The following RASA2 variants were observed in gnomAD, a reference collection of about 807,000 sequenced individuals.
RASA2 encodes RAS p21 protein activator 2.
In RASA2, 155 loss-of-function variants were observed where a neutral mutation model predicts 118.2. That is an observed-to-expected ratio of 1.31 (90% CI 1.15 to 1.50). The LOEUF is 1.50. Among genes scored for constraint, RASA2 ranks in the 40% most tolerant of loss-of-function variants. RASA2 has a pLI of 0.00. For missense variants in RASA2, 1,016 were observed against 1,009.6 expected (o/e 1.01, Z -0.09); for synonymous variants, 353 against 349.1 (o/e 1.01, Z -0.12).
intron 19 of RASA2, among the ~76,000 whole-genome samples, chr3:141,604,018 G>A (rs2083508149): frequency 6.6e-6 from 1 of 152,078 alleles, no homozygotes; most frequent in Non-Finnish European, 1.5e-5. Flanking sequence ...TTGGTTTTTG[G>A]CTATTATGAA....
At chr3:141,559,524 G>C (rs1316344565) in intron 8 of RASA2, among the ~76,000 whole-genome samples, 1 of 151,972 alleles carries the variant, frequency 6.6e-6, no homozygotes, top group South Asian at 2.1e-4. Flanking sequence ...ATCAGGTAAT[G>C]TATTTTTCTA....
chr3:141,566,634 C>T (rs949480061), intron 9 of RASA2, among the ~76,000 whole-genome samples: 1 of 151,774 alleles, frequency 6.6e-6, no homozygotes, highest in Admixed American at 6.6e-5. Flanking sequence ...GAAATTATAC[C>T]TGGAAATTGC....
At chr3:141,521,565 T>C (rs1361629582) in intron 3 of RASA2, among the ~76,000 whole-genome samples, 1 of 152,156 alleles carries the variant, frequency 6.6e-6, no homozygotes, top group Non-Finnish European at 1.5e-5. Flanking sequence ...AAAGTTGAGG[T>C]TTATGATTTC....
At chr3:141,522,503 C>T (rs1393247080) in intron 3 of RASA2, among the ~76,000 whole-genome samples, 1 of 152,154 alleles carries the variant, frequency 6.6e-6, no homozygotes, top group South Asian at 2.1e-4. Flanking sequence ...TCAGCCACAT[C>T]AGCACAGGGA....
At position 141,559,937 on chromosome 3, in the gene RASA2, C is replaced by G; in HGVS notation, c.805C>G (p.Leu269Val). 6.2e-7 allele frequency: 1 copy of G among 1,613,238 alleles called. No homozygotes were observed. ...NNGNLVQDVF[L>V]GEIKVPVNVL... Reference sequence around the variant, plus strand: ...TGGAAACCTAGTCCAAGATGTTTTCCTAGGTGAGATTAAGGTTCCTGTGAA... The same window carrying G: ...TGGAAACCTAGTCCAAGATGTTTTCGTAGGTGAGATTAAGGTTCCTGTGAA... Residue 269 changes from leucine to valine, a missense_variant, in exon 9 of 24, where the codon CTA becomes GTA. Leu to Val is a conservative substitution (Grantham distance 32, BLOSUM62 1). Transcript: ENST00000286364.
chr3:141,608,425 T>G, intron 20 of RASA2, 64 bp from the exon 21 acceptor site: 1 of 1,486,410 alleles, frequency 6.7e-7, no homozygotes, highest in East Asian at 2.3e-5. Flanking sequence ...TTTTCTTCTG[T>G]TTTGTACTGT....
At chr3:141,492,744 A>G (rs907961112) in intron 1 of RASA2, among the ~76,000 whole-genome samples, 2 of 152,220 alleles carry the variant, frequency 1.3e-5, no homozygotes, top group Non-Finnish European at 2.9e-5. Flanking sequence ...CTTGTTTTGC[A>G]TGATTCACTG....
At chr3:141,526,135 T>C (rs182190017) in intron 3 of RASA2, 1 of 152,320 alleles carries the variant, frequency 6.6e-6, no homozygotes, top group Admixed American at 6.5e-5. Context: ...ATCTGTAAGA[T>C]GGTGATTATA....
chr3:141,540,773 A>G (rs1398392095), intron 5 of RASA2, among the ~76,000 whole-genome samples, 164 bp downstream of exon 5: 10 of 152,144 alleles, frequency 6.6e-5, no homozygotes, highest in Admixed American at 6.5e-4. Flanking sequence ...ATTTTCTCAT[A>G]GTCTACTCAG....
At chr3:141,554,141 C>T (rs373052817) in intron 6 of RASA2, among the ~76,000 whole-genome samples, 2 of 152,130 alleles carry the variant, frequency 1.3e-5, no homozygotes, top group Non-Finnish European at 2.9e-5. Context: ...AATTGGTACC[C>T]CATTTTAAAT....
chr3:141,524,508 G>T (rs1242185578), intron 3 of RASA2, among the ~76,000 whole-genome samples: 1 of 152,124 alleles, frequency 6.6e-6, no homozygotes, highest in South Asian at 2.1e-4. Context: ...AATTGCTGCT[G>T]TTGACTGTTT....
chr3:141,524,821 G>C (rs878948376), intron 3 of RASA2, among the ~76,000 whole-genome samples: 1 of 151,976 alleles, frequency 6.6e-6, no homozygotes, highest in African/African-American at 2.4e-5. Context: ...AAACTCCTGA[G>C]CTCAGGCAAT....
chr3:141,508,082 CA>C (rs2081895998), intron 1 of RASA2, among the ~76,000 whole-genome samples: 1 of 151,824 alleles, frequency 6.6e-6, no homozygotes, highest in Non-Finnish European at 1.5e-5. Flanking sequence ...TTGAGAAACT[CA>C]TTTGTTTCTT....
Position 141,551,659 on chromosome 3 carries a change from T to G in RASA2, c.528-2198T>G, listed in dbSNP as rs181882673. ...GTTGGAGGGCTCACCTGTCCTTCAC[T>G]GCTGATTTTGTTCAATTCGTTTTGG... On this transcript the variant is annotated intron_variant, in intron 5 of 23. Transcript: ENST00000286364. 1.4e-3 allele frequency among the ~76,000 whole-genome samples: 206 copies of G among 152,356 alleles called. 1 individual carries two copies. Among genetic ancestry groups the G allele is most frequent in the African/African-American group, 4.5e-3 (189 of 41,582 alleles).
Position 141,581,121 on chromosome 3 carries a change from A to G in RASA2, c.1696A>G (p.Met566Val), listed in dbSNP as rs2083107234. ...TTAGTCAAGTTTCAAAGAGACATTCATGTGTGAATTTTTCAAAATGTTTCA... is the reference window on the plus strand; with the variant it reads ...TTAGTCAAGTTTCAAAGAGACATTCGTGTGTGAATTTTTCAAAATGTTTCA... ...KSKSSFKETFMCEFFKMFQEE... is the reference protein window; with the variant it reads ...KSKSSFKETFVCEFFKMFQEE... Residue 566 changes from methionine (M) to valine (V), a missense_variant, in exon 17 of 24, where the codon ATG becomes GTG. Transcript: ENST00000286364. 5 of 1,539,620 alleles carry G rather than the reference A, an allele frequency of 3.2e-6. No homozygotes were observed. The highest frequency in any genetic ancestry group is 4.3e-6 in the Non-Finnish European group (5 of 1,151,120).
Position 141,608,482 on chromosome 3 carries a change from T to C in RASA2, c.2017-7T>C. On this transcript the variant is annotated splice_region_variant and splice_polypyrimidine_tract_variant and intron_variant, in intron 20 of 23. Coordinates refer to ENST00000286364, the MANE Select transcript of RASA2 (RefSeq NM_006506.5). The stretch of plus-strand genomic sequence containing the variant: ...TCACTAACTTTTTATCTTAATTGCC[T>C]ATGAAGATGTTCCAAGTAATACATA... The C allele has an allele frequency of 1.9e-6, 3 of 1,612,200 alleles. No homozygotes were observed. The highest frequency in any genetic ancestry group is 1.7e-6 in the Non-Finnish European group (2 of 1,178,370).
At position 141,607,679 on chromosome 3, in the gene RASA2, C is replaced by T; in HGVS notation, c.1935C>T (p.Gly645=). 1.3e-6 allele frequency: 2 copies of T among 1,567,966 alleles called. No individual in the cohort carries two copies. Among genetic ancestry groups the T allele is most frequent in the Non-Finnish European group, 1.7e-6 (2 of 1,163,304 alleles). ...SRELTYHKQP[G]KDAIYTIPVK... is the part of the protein sequence containing the mutation. ...TGTTTTACTTTTTTTATTATTTAGG[C>T]AAAGATGCAATCTACACAATCCCAG... The change falls in exon 20 of 24, where the codon GGC becomes GGT. Residue 645 remains glycine (G), a splice_region_variant and synonymous_variant. Transcript: ENST00000286364.
intron 1 of RASA2, among the ~76,000 whole-genome samples, chr3:141,497,252 T>C (rs1370694490): frequency 2.0e-5 from 3 of 150,520 alleles, no homozygotes; most frequent in Non-Finnish European, 3.0e-5. Context: ...AGCACACCAA[T>C]ATGGCACATG....
In RASA2 at chr3:141,571,501, T is replaced by A. The variant is rs2082919565; in HGVS notation, c.1116T>A (p.Asp372Glu). Residue 372 changes from aspartate (D) to glutamate (E), a missense_variant, in exon 11 of 24, where the codon GAT becomes GAA. Coordinates refer to ENST00000286364, the MANE Select transcript of RASA2 (RefSeq NM_006506.5). The stretch of plus-strand genomic sequence containing the variant: ...TTGTACGACTGCTGCTGCACCATGA[T>A]AAACTTGTTCCTTTTGCCACTGCTG... ...LPLVRLLLHH[D>E]KLVPFATAVA... is the part of the protein sequence containing the mutation. 5.6e-6 allele frequency: 9 copies of A among 1,613,174 alleles called. No individual in the cohort carries two copies. The highest frequency in any genetic ancestry group is 7.6e-6 in the Non-Finnish European group (9 of 1,179,456).
Sources: gnomAD v4.1 joint callset for allele counts (sites outside exome capture counted in the v4.1 genomes callset) on GRCh38, gnomAD v4.1.1 for gene constraint, MANE v1.5 for transcripts, NCBI Gene and HGNC (gene_info 2026-07-23, HGNC 2026-07-21) for gene names.